DMGDH: variants seen among roughly 807,000 people sequenced by gnomAD.
DMGDH encodes the protein dimethylglycine dehydrogenase.
A neutral mutation model predicts 95.2 loss-of-function variants in DMGDH; 76 were observed. The observed-to-expected ratio is 0.80, with a 90% CI of 0.66 to 0.97. The LOEUF (loss-of-function observed/expected upper bound fraction) is 0.97, where lower values mean the gene tolerates loss of function less well. Among genes scored for constraint, DMGDH ranks in the 50% least tolerant of loss-of-function variants. The pLI, the probability that DMGDH is intolerant of heterozygous loss-of-function variation, is 0.00. For synonymous variants in DMGDH, 345 were observed against 377.6 expected, an observed-to-expected ratio of 0.91 and a Z score of 1.00; for missense variants, 987 against 1,055.0, an observed-to-expected ratio of 0.94 and a Z score of 0.89.
At chr5:79,055,480 G>A (rs570077707) in intron 3 of DMGDH, among the ~76,000 whole-genome samples, 16 of 152,280 alleles carry the variant, frequency 1.1e-4, no homozygotes, top group African/African-American at 2.2e-4. Context: ...ACATTCTATC[G>A]TCAGATCCTT....
At chr5:79,046,073 GTTTT>G in intron 5 of DMGDH, among the ~76,000 whole-genome samples, 1 of 151,598 alleles carries the variant, frequency 6.6e-6, no homozygotes, top group Non-Finnish European at 1.5e-5. Flanking sequence ...GTTTTGTTTT[GTTTT>G]GTTTTGTTTT....
chr5:79,005,274 T>C lies in DMGDH; in HGVS notation c.2384A>G (p.Lys795Arg). Residue 795 changes from lysine to arginine, a missense_variant and splice_region_variant, in exon 15 of 16, where the codon AAG (lysine) becomes AGG (arginine). Transcript: ENST00000255189. ...GGCAGTGAGGTCCTCAGCACTCACC[T>C]TGCCATTGTACCAGATGCTTTCATT... is the stretch of plus-strand genomic sequence containing the variant. ...EGNESIWYNG[K>R]VVGNTTSGSY... is the part of the protein sequence containing the mutation. 6.2e-7 allele frequency: 1 copy of C among 1,613,646 alleles called. No individual in the cohort carries two copies. Among genetic ancestry groups the C allele is most frequent in the Non-Finnish European group, 8.5e-7 (1 of 1,179,888 alleles).
At position 79,030,292 on chromosome 5, in the gene DMGDH, G is replaced by A. The variant is rs1423215893; in HGVS notation, c.1684-258C>T. ...CAGAACTCAATTTTAAGTTCCCATC[G>A]AAACAATTAAGCAAAGTCATAAGGT... On this transcript the variant is annotated intron_variant, in intron 10 of 15. Coordinates refer to ENST00000255189, the MANE Select transcript of DMGDH (RefSeq NM_013391.3). Among the ~76,000 whole-genome samples the A allele has an allele frequency of 5.9e-5, 9 of 152,036 alleles. 1 individual carries two copies. Among genetic ancestry groups the A allele is most frequent in the Admixed American group, 4.6e-4 (7 of 15,248 alleles).
At chr5:79,003,587 G>A (rs1753491971) in intron 15 of DMGDH, among the ~76,000 whole-genome samples, 1 of 152,214 alleles carries the variant, frequency 6.6e-6, no homozygotes, top group African/African-American at 2.4e-5. Context: ...TCTGAGAAAA[G>A]TCAGTTGGCT....
intron 5 of DMGDH, among the ~76,000 whole-genome samples, chr5:79,046,852 A>G (rs756429619): frequency 5.3e-5 from 8 of 152,154 alleles, no homozygotes; most frequent in Non-Finnish European, 1.0e-4. Context: ...TCCCCAATAT[A>G]TTTGTTTCAA....
chr5:79,028,782 A>C (rs1754072575), intron 11 of DMGDH, 132 bp from the exon 12 acceptor site: 4 of 1,011,562 alleles, frequency 4.0e-6, no homozygotes, highest in Middle Eastern at 2.2e-4. Context: ...TCATGAAATC[A>C]CACTGATTTT....
chr5:79,030,169 ATTATC>A (rs1320139995), intron 10 of DMGDH, 135 bp from the exon 11 acceptor site: 1 of 750,726 alleles, frequency 1.3e-6, no homozygotes, highest in East Asian at 2.8e-5. Flanking sequence ...AATCGTATGA[ATTATC>A]TGTAAACCTA....
intron 5 of DMGDH, among the ~76,000 whole-genome samples, chr5:79,049,893 A>G (rs1432680485): frequency 6.6e-6 from 1 of 152,188 alleles, no homozygotes; most frequent in East Asian, 1.9e-4. Flanking sequence ...TTCGGAAATA[A>G]CTAATTTAGA....
intron 9 of DMGDH, 151 bp from the exon 10 acceptor site, chr5:79,031,149 T>G (rs983282115): frequency 2.6e-6 from 2 of 765,058 alleles, no homozygotes; most frequent in African/African-American, 3.5e-5. Context: ...AACCTGAAAT[T>G]CTGTTCTGCA....
chr5:79,010,608 C>T (rs1180205836), intron 14 of DMGDH, among the ~76,000 whole-genome samples: 1 of 152,200 alleles, frequency 6.6e-6, no homozygotes, highest in East Asian at 1.9e-4. Context: ...TCATATTCTT[C>T]CTTGAGCCCC....
At chr5:79,001,049 G>T (rs1041710102) in intron 15 of DMGDH, 1 of 672,606 alleles carries the variant, frequency 1.5e-6, no homozygotes, top group Non-Finnish European at 2.7e-6. Context: ...ACCATTCCTC[G>T]CCATCAATGG....
chr5:79,060,812 G>C (rs1755182303), intron 2 of DMGDH, among the ~76,000 whole-genome samples: 1 of 151,930 alleles, frequency 6.6e-6, no homozygotes, highest in Non-Finnish European at 1.5e-5. Context: ...CCAGCTACTT[G>C]GGAGGCTGAG....
intron 14 of DMGDH, chr5:79,021,350 A>G: frequency 8.8e-7 from 1 of 1,136,608 alleles, no homozygotes; most frequent in South Asian, 2.0e-5. Flanking sequence ...GTATATCTTT[A>G]ACATTTAGAT....
Position 79,042,316 on chromosome 5 carries a change from C to A in DMGDH, c.1160G>T (p.Gly387Val). ...TATAGCCACCCAGTAGTTTCTGACC[C>A]CCTGATGGGGCCCCACCATAGGCAG... Reference protein sequence around the residue: ...DILPMVGPHQGVRNYWVAIGF... With the variant: ...DILPMVGPHQVVRNYWVAIGF... Residue 387 changes from glycine to valine, a missense_variant, in exon 7 of 16, where the codon GGG (glycine) becomes GTG (valine). Transcript: ENST00000255189. The A allele has an allele frequency of 6.2e-7, 1 of 1,614,164 alleles. No individual in the cohort carries two copies.
intron 4 of DMGDH, among the ~76,000 whole-genome samples, chr5:79,053,392 C>T (rs1327900422): frequency 6.6e-6 from 1 of 152,138 alleles, no homozygotes; most frequent in East Asian, 1.9e-4. Flanking sequence ...TCTTGAACTC[C>T]TCGCCTCAAG....
At chr5:79,063,942 T>C (rs1393604253) in intron 1 of DMGDH, among the ~76,000 whole-genome samples, 155 bp from the exon 2 acceptor site, 1 of 152,206 alleles carries the variant, frequency 6.6e-6, no homozygotes, top group Non-Finnish European at 1.5e-5. Flanking sequence ...ATCTAAACTG[T>C]GATTTAGGCA....
At chr5:79,016,390 A>G (rs1482974411) in intron 14 of DMGDH, among the ~76,000 whole-genome samples, 2 of 152,220 alleles carry the variant, frequency 1.3e-5, no homozygotes, top group Non-Finnish European at 2.9e-5. Flanking sequence ...CAGATTGAGC[A>G]AAGTTCCAAA....
chr5:79,032,348 T>A (rs534345445), intron 9 of DMGDH, among the ~76,000 whole-genome samples: 7 of 152,356 alleles, frequency 4.6e-5, no homozygotes, highest in Admixed American at 1.3e-4. Flanking sequence ...GTGATTCCAC[T>A]GAGCACCCTA....
chr5:79,049,983 G>A (rs374517292), intron 5 of DMGDH, among the ~76,000 whole-genome samples: 4 of 152,056 alleles, frequency 2.6e-5, no homozygotes, highest in East Asian at 3.9e-4. Context: ...TCGGCTGGAC[G>A]CAGTGGCGCA....
Sources: allele counts gnomAD v4.1 joint callset (sites outside exome capture counted in the v4.1 genomes callset), GRCh38; gene constraint gnomAD v4.1.1; transcripts MANE v1.5; gene names NCBI Gene and HGNC (gene_info 2026-07-23, HGNC 2026-07-21).